Variants in TMEM178B observed in about 807,000 individuals in gnomAD.
TMEM178B encodes the protein transmembrane protein 178B.
A neutral mutation model predicts 31.0 loss-of-function variants in TMEM178B; 5 were observed. The ratio of observed to expected loss-of-function variants is 0.16; its 90% CI spans 0.08 to 0.34. The LOEUF (loss-of-function observed/expected upper bound fraction) is 0.34, where lower values mean the gene tolerates loss of function less well. TMEM178B is among the 10% of genes least tolerant of loss of function. TMEM178B has a pLI of 1.00. For synonymous variants in TMEM178B, 164 were observed against 164.0 expected (o/e 1.00, Z 0.00); for missense variants, 275 against 400.3 (o/e 0.69, Z 2.67).
chr7:141,256,929 C>G (rs1038336723), intron 2 of TMEM178B, among the ~76,000 whole-genome samples: 1 of 152,110 alleles, frequency 6.6e-6, no homozygotes, highest in Admixed American at 6.5e-5. Context: ...CTGAGTTGGA[C>G]AGTACAATAT....
intron 2 of TMEM178B, among the ~76,000 whole-genome samples, chr7:141,238,428 G>A (rs542279462): frequency 3.3e-5 from 5 of 152,160 alleles, no homozygotes; most frequent in Admixed American, 6.5e-5. Flanking sequence ...CTTAGCGTGC[G>A]ATAGAGAGCC....
chr7:141,177,596 T>A (rs1796454539), intron 1 of TMEM178B, among the ~76,000 whole-genome samples: 1 of 152,206 alleles, frequency 6.6e-6, no homozygotes, highest in Non-Finnish European at 1.5e-5. Flanking sequence ...TTTGTAGGTC[T>A]CTAAGAACTT....
At chr7:141,182,716 G>A (rs1398662921) in intron 1 of TMEM178B, among the ~76,000 whole-genome samples, 5 of 152,182 alleles carry the variant, frequency 3.3e-5, no homozygotes, top group African/African-American at 1.2e-4. Flanking sequence ...GAATCGTGGG[G>A]CGGTTTCTCC....
At position 141,472,076 on chromosome 7, in the gene TMEM178B, T is replaced by C. The variant is rs1802255377; in HGVS notation, c.*1290T>C. On this transcript the variant is annotated 3_prime_UTR_variant, in exon 4 of 4. Transcript: ENST00000565468. Reference sequence around the variant, plus strand: ...GTTCAGGAGAGAGAAGAAATGTTGCTCTGGTTGCTGTTGTACAAGAACATA... The same window carrying C: ...GTTCAGGAGAGAGAAGAAATGTTGCCCTGGTTGCTGTTGTACAAGAACATA... The C allele has an allele frequency of 6.6e-6, 1 of 152,108 alleles. No homozygotes were observed. Among genetic ancestry groups the C allele is most frequent in the African/African-American group, 2.4e-5 (1 of 41,382 alleles). The allele number at this position is 152,108 out of a possible 1,614,324, so 9.4% of individuals were successfully genotyped here. A position where few individuals can be genotyped will look rare whatever the true frequency, so the allele number is the denominator to read the frequency against.
intron 1 of TMEM178B, among the ~76,000 whole-genome samples, chr7:141,170,375 G>A (rs1233112320): frequency 6.6e-6 from 1 of 152,108 alleles, no homozygotes; most frequent in Non-Finnish European, 1.5e-5. Context: ...TCTTACAGTG[G>A]ATTATACCTT....
intron 1 of TMEM178B, among the ~76,000 whole-genome samples, chr7:141,131,908 A>G: frequency 6.6e-6 from 1 of 152,222 alleles, no homozygotes; most frequent in Admixed American, 6.5e-5. Context: ...ACCCACCAAC[A>G]ATATAGGAAA....
In TMEM178B at chr7:141,470,602, C is replaced by A; in HGVS notation, c.701C>A (p.Pro234Gln). 6.5e-7 allele frequency: 1 copy of A among 1,535,290 alleles called. No individual in the cohort carries two copies. The highest frequency in any genetic ancestry group is 8.7e-7 in the Non-Finnish European group (1 of 1,146,648). ...AGINFELSRY[P>Q]RYLYGLPDDI... ...ATCAACTTTGAGCTGTCACGCTACCCACGCTACCTGTACGGACTCCCTGAT... is the reference window on the plus strand; with the variant it reads ...ATCAACTTTGAGCTGTCACGCTACCAACGCTACCTGTACGGACTCCCTGAT... Residue 234 changes from proline (P) to glutamine (Q), a missense_variant, in exon 4 of 4, where the codon CCA becomes CAA. Coordinates refer to ENST00000565468, the MANE Select transcript of TMEM178B (RefSeq NM_001195278.2).
rs1019225373 is a variant in TMEM178B at position 141,246,246 on chromosome 7, A to G, written c.496+33542A>G. 3.9e-5 allele frequency among the ~76,000 whole-genome samples: 6 copies of G among 152,210 alleles called. 1 individual carries two copies. Among genetic ancestry groups the G allele is most frequent in the African/African-American group, 1.2e-4 (5 of 41,444 alleles). On this transcript the variant is annotated intron_variant, in intron 2 of 3. Coordinates refer to ENST00000565468, the MANE Select transcript of TMEM178B (RefSeq NM_001195278.2). ...TGGAGCCATGCTTATTTTAGTTCAC[A>G]TAAAAATGTATTACCAAATATCTAT... is the stretch of plus-strand genomic sequence containing the variant.
In TMEM178B at chr7:141,344,402, T is replaced by C. The variant is rs1442544700; in HGVS notation, c.497-93206T>C. Among the ~76,000 whole-genome samples the C allele has an allele frequency of 6.6e-6, 1 of 152,220 alleles. No individual in the cohort carries two copies. The highest frequency in any genetic ancestry group is 1.5e-5 in the Non-Finnish European group (1 of 68,030). On this transcript the variant is annotated intron_variant, in intron 2 of 3. Coordinates refer to ENST00000565468, the MANE Select transcript of TMEM178B (RefSeq NM_001195278.2). This position sits in a 1 kb window ranked among gnomAD's most constrained non-coding sequence, Gnocchi z 4.1. ...CCTTCAGTCACTGAACTTCATCAGA[T>C]GACATTTGAAGGGATCCAACTAATG... is the stretch of plus-strand genomic sequence containing the variant.
intron 2 of TMEM178B, among the ~76,000 whole-genome samples, chr7:141,289,241 C>T (rs1395486340): frequency 6.6e-6 from 1 of 152,216 alleles, no homozygotes; most frequent in Non-Finnish European, 1.5e-5. Context: ...GTCTGGGCTC[C>T]AGCTCTGGCT....
At chr7:141,439,531 A>G (rs1019610814) in intron 3 of TMEM178B, among the ~76,000 whole-genome samples, 1 of 152,166 alleles carries the variant, frequency 6.6e-6, no homozygotes, top group African/African-American at 2.4e-5. Context: ...TTAGCAATGG[A>G]AGCTTTTTTG....
At chr7:141,247,148 T>G (rs1797746617) in intron 2 of TMEM178B, among the ~76,000 whole-genome samples, 1 of 152,006 alleles carries the variant, frequency 6.6e-6, no homozygotes, top group South Asian at 2.1e-4. Context: ...GAGAACTTTG[T>G]GGAAATAGAT....
At chr7:141,290,736 C>T (rs1349585443) in intron 2 of TMEM178B, among the ~76,000 whole-genome samples, 1 of 152,174 alleles carries the variant, frequency 6.6e-6, no homozygotes, top group Non-Finnish European at 1.5e-5. Flanking sequence ...AACACCTGCC[C>T]CTTTCGGCCT....
chr7:141,376,721 T>C (rs1181554196), intron 2 of TMEM178B, among the ~76,000 whole-genome samples: 1 of 152,178 alleles, frequency 6.6e-6, no homozygotes, highest in African/African-American at 2.4e-5. Context: ...CCATTACTTT[T>C]GCACCAACCT....
Position 141,476,931 on chromosome 7 carries a change from T to G in TMEM178B, c.*6145T>G, listed in dbSNP as rs1382812611. ...AAAACTGGGTCTGAACATGAAGAGT[T>G]GCACAGCAGTAGTTCGAAGAAGCTG... On this transcript the variant is annotated 3_prime_UTR_variant, in exon 4 of 4. Coordinates refer to ENST00000565468, the MANE Select transcript of TMEM178B (RefSeq NM_001195278.2). 1 of 154,800 alleles carries G rather than the reference T, an allele frequency of 6.5e-6. No homozygotes were observed. The highest frequency in any genetic ancestry group is 1.9e-4 in the East Asian group (1 of 5,192). 9.6% of individuals were successfully genotyped at this position (154,800 alleles called of 1,614,324 possible).
At chr7:141,249,270 T>A (rs897738435) in intron 2 of TMEM178B, among the ~76,000 whole-genome samples, 1 of 152,130 alleles carries the variant, frequency 6.6e-6, no homozygotes, top group African/African-American at 2.4e-5. Context: ...TTATCAGGGG[T>A]TTCCACGTTT....
At chr7:141,351,972 C>G (rs1277036389) in intron 2 of TMEM178B, 1 of 152,664 alleles carries the variant, frequency 6.6e-6, no homozygotes, top group Admixed American at 6.5e-5. Context: ...CCACCCACCA[C>G]CACGATGCCA....
At chr7:141,334,903 C>G (rs1799357107) in intron 2 of TMEM178B, among the ~76,000 whole-genome samples, 1 of 152,204 alleles carries the variant, frequency 6.6e-6, no homozygotes, top group Non-Finnish European at 1.5e-5. Context: ...TGCCAGGCAG[C>G]TGGTAAAGAT....
intron 2 of TMEM178B, among the ~76,000 whole-genome samples, chr7:141,302,383 T>C (rs1023866589): frequency 1.2e-4 from 19 of 152,234 alleles, no homozygotes; most frequent in Non-Finnish European, 2.8e-4. Flanking sequence ...AGTCCACTTA[T>C]ATGAGTATGC....
Sources: allele counts gnomAD v4.1 joint callset (sites outside exome capture counted in the v4.1 genomes callset), GRCh38; gene constraint gnomAD v4.1.1; non-coding constraint Gnocchi (gnomAD v3.1); transcripts MANE v1.5; gene names NCBI Gene and HGNC (gene_info 2026-07-23, HGNC 2026-07-21).